ARB2A: variants seen among roughly 807,000 people sequenced by gnomAD.
The protein encoded by ARB2A is cotranscriptional regulator ARB2A.
the ARB2A span, among the ~76,000 whole-genome samples, chr5:94,096,077 T>C: frequency 6.6e-6 from 1 of 152,208 alleles, no homozygotes; most frequent in East Asian, 1.9e-4. Context: ...GCAGAGTGTA[T>C]TAAACCAAAT....
At chr5:93,678,220 A>ATCGCATTT in the ARB2A span, among the ~76,000 whole-genome samples, 9 of 152,192 alleles carry the variant, frequency 5.9e-5, no homozygotes, top group African/African-American at 2.2e-4. Flanking sequence ...TACTATAGAA[A>ATCGCATTT]TCGCATTTTA....
At chr5:94,099,638 A>C in the ARB2A span, among the ~76,000 whole-genome samples, 1 of 150,532 alleles carries the variant, frequency 6.6e-6, no homozygotes, top group Non-Finnish European at 1.5e-5. Flanking sequence ...AAAAAAAAAA[A>C]AAAAAAAAAA....
the ARB2A span, among the ~76,000 whole-genome samples, chr5:93,896,170 G>C: frequency 6.6e-6 from 1 of 151,992 alleles, no homozygotes; most frequent in Non-Finnish European, 1.5e-5. Flanking sequence ...CCTAAAAATA[G>C]TTGTACTCAC....
chr5:94,034,301 G>A, the ARB2A span, among the ~76,000 whole-genome samples: 61 of 152,278 alleles, frequency 4.0e-4, no homozygotes, highest in African/African-American at 1.4e-3. Flanking sequence ...GTTTGATTGA[G>A]TAAGCAGGAA....
the ARB2A span, among the ~76,000 whole-genome samples, chr5:93,813,022 A>G: frequency 1.3e-5 from 2 of 152,196 alleles, no homozygotes; most frequent in South Asian, 4.1e-4. Context: ...CACAATGAGA[A>G]CATGGCTATA....
the ARB2A span, among the ~76,000 whole-genome samples, chr5:93,811,148 T>C: frequency 2.0e-5 from 3 of 152,052 alleles, no homozygotes; most frequent in African/African-American, 7.2e-5. Flanking sequence ...CAATTCGATT[T>C]AGTTGGTATT....
the ARB2A span, among the ~76,000 whole-genome samples, chr5:93,967,921 G>A: frequency 2.0e-5 from 3 of 151,774 alleles, no homozygotes; most frequent in Admixed American, 6.6e-5. Context: ...AAAATACCAG[G>A]GGATTACAGC....
chr5:93,901,360 A>C, the ARB2A span, among the ~76,000 whole-genome samples: 1 of 152,170 alleles, frequency 6.6e-6, no homozygotes, highest in Non-Finnish European at 1.5e-5. Flanking sequence ...GCATACATAG[A>C]AGGAAGGAGT....
the ARB2A span, among the ~76,000 whole-genome samples, chr5:93,978,624 G>A: frequency 6.6e-6 from 1 of 152,028 alleles, no homozygotes; most frequent in Non-Finnish European, 1.5e-5. Context: ...AGTAGGCAGG[G>A]AGGGAAGAAA....
At chr5:93,762,349 T>C in the ARB2A span, among the ~76,000 whole-genome samples, 2 of 151,734 alleles carry the variant, frequency 1.3e-5, no homozygotes, top group East Asian at 1.9e-4. Context: ...TGCAGAGAAG[T>C]CCTTAAAGGA....
chr5:93,640,847 G>C, the ARB2A span, among the ~76,000 whole-genome samples: 1 of 151,850 alleles, frequency 6.6e-6, no homozygotes, highest in Non-Finnish European at 1.5e-5. Context: ...ACAATTTGTT[G>C]AAAACATTAT....
the ARB2A span, among the ~76,000 whole-genome samples, chr5:94,031,653 T>A: frequency 6.6e-6 from 1 of 152,072 alleles, no homozygotes; most frequent in Non-Finnish European, 1.5e-5. Context: ...CTAAAAGAAT[T>A]AATATGGATA....
chr5:94,077,517 T>G, the ARB2A span, among the ~76,000 whole-genome samples: 1 of 152,328 alleles, frequency 6.6e-6, no homozygotes, highest in South Asian at 2.1e-4. Context: ...TTATTTTTCC[T>G]GGCTGTGGCA....
the ARB2A span, chr5:94,050,970 C>T: frequency 1.5e-5 from 9 of 613,936 alleles, no homozygotes; most frequent in South Asian, 1.9e-4. Flanking sequence ...TTTTTTTCTT[C>T]AGATGTCACT....
the ARB2A span, among the ~76,000 whole-genome samples, chr5:94,089,379 T>A: frequency 6.6e-6 from 1 of 152,196 alleles, no homozygotes; most frequent in African/African-American, 2.4e-5. Flanking sequence ...TAACTTTAAA[T>A]GTCTTTATTT....
the ARB2A span, among the ~76,000 whole-genome samples, chr5:94,093,872 C>T: frequency 2.6e-5 from 4 of 151,988 alleles, no homozygotes; most frequent in African/African-American, 9.7e-5. Flanking sequence ...CAAAATACAA[C>T]GGTGGGACAG....
the ARB2A span, among the ~76,000 whole-genome samples, chr5:93,782,646 T>C: frequency 1.3e-5 from 2 of 152,184 alleles, no homozygotes; most frequent in Non-Finnish European, 2.9e-5. Context: ...CTTACCGAAC[T>C]TTTTTAAAGT....
chr5:93,653,060 A>C, the ARB2A span, among the ~76,000 whole-genome samples: 1 of 152,110 alleles, frequency 6.6e-6, no homozygotes, highest in Admixed American at 6.6e-5. Flanking sequence ...GGGGCCAATA[A>C]AAATAATACT....
chr5:93,663,726 T>A, the ARB2A span, among the ~76,000 whole-genome samples: 96 of 152,302 alleles, frequency 6.3e-4, no homozygotes, highest in Middle Eastern at 3.4e-3. Flanking sequence ...GTTCAGGTCT[T>A]GGTGATAATT....
Sources: gnomAD v4.1 joint callset for allele counts (sites outside exome capture counted in the v4.1 genomes callset) on GRCh38, gnomAD v4.1.1 for gene constraint, MANE v1.5 for transcripts, NCBI Gene and HGNC (gene_info 2026-07-23, HGNC 2026-07-21) for gene names.